TENM3: variants seen among roughly 807,000 people sequenced by gnomAD.
TENM3 encodes teneurin-3.
In TENM3, 63 loss-of-function variants were observed where a neutral mutation model predicts 255.1. That is an observed-to-expected ratio of 0.25 (90% CI 0.20 to 0.30). The LOEUF is 0.30. TENM3 is among the 10% of genes least tolerant of loss of function. TENM3 has a pLI of 1.00. For synonymous variants in TENM3, 1,306 were observed against 1,322.3 expected (o/e 0.99, Z 0.27); for missense variants, 2,929 against 3,461.1 (o/e 0.85, Z 3.86).
At chr4:181,682,135 A>G in the TENM3 span, among the ~76,000 whole-genome samples, 3 of 152,210 alleles carry the variant, frequency 2.0e-5, no homozygotes, top group Admixed American at 6.5e-5. Context: ...AGCACAATAT[A>G]ATTGAAATCA....
At chr4:181,711,556 TA>T in the TENM3 span, among the ~76,000 whole-genome samples, 5 of 152,180 alleles carry the variant, frequency 3.3e-5, no homozygotes, top group African/African-American at 1.2e-4. Context: ...AGGTTGCAGT[TA>T]TAAAATAAAA....
intron 3 of TENM3, among the ~76,000 whole-genome samples, chr4:182,409,427 G>T (rs571512291): frequency 6.6e-6 from 1 of 152,292 alleles, no homozygotes; most frequent in South Asian, 2.1e-4. Context: ...AGGCCTCCTG[G>T]TCTCATTTTA....
intron 3 of TENM3, among the ~76,000 whole-genome samples, chr4:182,359,080 T>C (rs1164870140): frequency 6.6e-6 from 1 of 151,690 alleles, no homozygotes; most frequent in Non-Finnish European, 1.5e-5. Flanking sequence ...CACTTGATCA[T>C]GGTGGATAAG....
At chr4:181,641,359 G>A in the TENM3 span, among the ~76,000 whole-genome samples, 1 of 151,046 alleles carries the variant, frequency 6.6e-6, no homozygotes. Context: ...GCAGGGCCCG[G>A]TGTGTGACGT....
At chr4:182,275,005 A>T (rs1359310696) in intron 1 of TENM3, among the ~76,000 whole-genome samples, 1 of 151,960 alleles carries the variant, frequency 6.6e-6, no homozygotes, top group Non-Finnish European at 1.5e-5. Flanking sequence ...TTGTATTTTT[A>T]GTAGAGATGG....
the TENM3 span, among the ~76,000 whole-genome samples, chr4:181,570,087 G>C: frequency 7.0e-6 from 1 of 143,404 alleles, no homozygotes; most frequent in Non-Finnish European, 1.5e-5. Context: ...CGCCCAGGTC[G>C]GACTGCGGAC....
At chr4:182,779,151 C>T (rs1764953701) in intron 24 of TENM3, among the ~76,000 whole-genome samples, 1 of 150,906 alleles carries the variant, frequency 6.6e-6, no homozygotes, top group Non-Finnish European at 1.5e-5. Context: ...TGGTACACTG[C>T]ACCCACTAAC....
chr4:181,621,870 G>A, the TENM3 span, among the ~76,000 whole-genome samples: 1 of 152,170 alleles, frequency 6.6e-6, no homozygotes, highest in Non-Finnish European at 1.5e-5. Context: ...AAGCAGCTGG[G>A]AGGTGGCCCT....
intron 2 of TENM3, among the ~76,000 whole-genome samples, chr4:182,334,543 T>C (rs72698099): frequency 0.018 from 2,769 of 152,282 alleles, 31 homozygotes; most frequent in Non-Finnish European, 0.029. Flanking sequence ...GGAGTTAATA[T>C]GTATTTTCAA....
At chr4:182,657,387 A>C (rs1204272349) in intron 6 of TENM3, among the ~76,000 whole-genome samples, 2 of 151,916 alleles carry the variant, frequency 1.3e-5, no homozygotes, top group African/African-American at 4.8e-5. Flanking sequence ...TTGCAAGGGG[A>C]GCTCTCATTT....
chr4:182,478,681 G>A (rs1733910765), intron 3 of TENM3, among the ~76,000 whole-genome samples: 1 of 151,758 alleles, frequency 6.6e-6, no homozygotes, highest in African/African-American at 2.4e-5. Flanking sequence ...TATTGTTCTA[G>A]AATATCAACC....
At chr4:182,188,853 C>T (rs1303254413) in intron 1 of TENM3, among the ~76,000 whole-genome samples, 1 of 152,134 alleles carries the variant, frequency 6.6e-6, no homozygotes, top group Non-Finnish European at 1.5e-5. Context: ...TACTGACTGA[C>T]TCATGTCCAC....
chr4:181,968,469 A>G, the TENM3 span, among the ~76,000 whole-genome samples: 3 of 152,208 alleles, frequency 2.0e-5, no homozygotes, highest in South Asian at 4.1e-4. Flanking sequence ...CTGCTCTGCC[A>G]GTGGCAAGAA....
At chr4:182,197,651 A>G (rs1245464395) in intron 1 of TENM3, among the ~76,000 whole-genome samples, 1 of 152,258 alleles carries the variant, frequency 6.6e-6, no homozygotes, top group Admixed American at 6.5e-5. Flanking sequence ...TGTCTTTTGC[A>G]TATAAATGGT....
In TENM3 at chr4:182,729,045, G is replaced by T; in HGVS notation, c.2449G>T (p.Asp817Tyr). Residue 817 changes from aspartate to tyrosine, a missense_variant, in exon 14 of 28, where the codon GAT (aspartate) becomes TAT (tyrosine). By Grantham distance (160) the Asp-to-Tyr change is radical (BLOSUM62 -3). Around this residue, in one of 6 missense-constraint regions of TENM3, gnomAD observed 1,608 missense variants for 1,884.4 expected, o/e 0.85. Transcript: ENST00000511685. ...TCAGCCCTATTGTCGGGGACTGCCGGATCCTCAGGACATCATTAGCCAAAG... is the reference window on the plus strand; with the variant it reads ...TCAGCCCTATTGTCGGGGACTGCCGTATCCTCAGGACATCATTAGCCAAAG... ...QNQPYCRGLP[D>Y]PQDIISQSLQ... The T allele has an allele frequency of 6.2e-7, 1 of 1,613,974 alleles. No individual in the cohort carries two copies. The highest frequency in any genetic ancestry group is 8.5e-7 in the Non-Finnish European group (1 of 1,179,884).
chr4:181,881,447 G>GT, the TENM3 span, among the ~76,000 whole-genome samples: 2 of 151,988 alleles, frequency 1.3e-5, no homozygotes, highest in African/African-American at 4.8e-5. Flanking sequence ...ATGTCTTCAA[G>GT]TTCATTTTGT....
intron 3 of TENM3, among the ~76,000 whole-genome samples, chr4:182,540,646 G>A (rs1398777101): frequency 2.6e-5 from 4 of 152,118 alleles, no homozygotes; most frequent in Non-Finnish European, 4.4e-5. Context: ...TCTCACCAAG[G>A]ATTGAGAAAA....
At chr4:182,724,855 G>T (rs1008415467) in intron 13 of TENM3, among the ~76,000 whole-genome samples, 1 of 152,090 alleles carries the variant, frequency 6.6e-6, no homozygotes, top group Admixed American at 6.5e-5. Flanking sequence ...TGACTGCAAG[G>T]GAAAACCTGC....
intron 1 of TENM3, among the ~76,000 whole-genome samples, chr4:182,297,092 T>A (rs905818444): frequency 1.3e-5 from 2 of 152,176 alleles, no homozygotes; most frequent in African/African-American, 4.8e-5. Flanking sequence ...TTCACCTCCT[T>A]ATGAGGAGTA....
Sources: gnomAD v4.1 joint callset for allele counts (sites outside exome capture counted in the v4.1 genomes callset) on GRCh38, gnomAD v4.1.1 for gene constraint, gnomAD v4.1.1 regional missense constraint, MANE v1.5 for transcripts, NCBI Gene and HGNC (gene_info 2026-07-23, HGNC 2026-07-21) for gene names.